The following REDIC1 variants were observed in gnomAD, a reference collection of about 807,000 sequenced individuals.
The protein encoded by REDIC1 is HEI10 Interacting Protein 1.
chr12:39,773,119 C>T, the REDIC1 span, among the ~76,000 whole-genome samples: 1 of 152,184 alleles, frequency 6.6e-6, no homozygotes, highest in Admixed American at 6.5e-5. Flanking sequence ...AACAAAAATA[C>T]TTTGACATCA....
chr12:39,899,559 T>C, the REDIC1 span, among the ~76,000 whole-genome samples: 1 of 152,300 alleles, frequency 6.6e-6, no homozygotes. Flanking sequence ...TCTAGTTCTT[T>C]CAATTGTGAT....
the REDIC1 span, among the ~76,000 whole-genome samples, chr12:39,854,833 G>A: frequency 2.0e-5 from 3 of 152,018 alleles, no homozygotes; most frequent in African/African-American, 4.8e-5. Context: ...TCTGTTTTCC[G>A]CTTTTGCACA....
At chr12:39,748,321 C>A in the REDIC1 span, among the ~76,000 whole-genome samples, 1 of 150,650 alleles carries the variant, frequency 6.6e-6, no homozygotes, top group Admixed American at 6.6e-5. Flanking sequence ...TCAAAAGAGA[C>A]AAAGCCATTA....
chr12:39,889,734 G>A, the REDIC1 span, among the ~76,000 whole-genome samples: 1 of 151,878 alleles, frequency 6.6e-6, no homozygotes, highest in African/African-American at 2.4e-5. Context: ...GTTTCACCAT[G>A]TTGGCCAGGA....
chr12:39,836,024 GCAA>G, the REDIC1 span, among the ~76,000 whole-genome samples: 5 of 152,090 alleles, frequency 3.3e-5, no homozygotes, highest in Non-Finnish European at 7.4e-5. Context: ...CTTTCAGAAA[GCAA>G]CAACAGCAGC....
chr12:39,813,044 C>A, the REDIC1 span, among the ~76,000 whole-genome samples: 1 of 89,726 alleles, frequency 1.1e-5, no homozygotes, highest in South Asian at 4.5e-4. Context: ...GGGGTTTCAC[C>A]ATGTTGGCCA....
chr12:39,773,090 C>T, the REDIC1 span, among the ~76,000 whole-genome samples: 3 of 152,188 alleles, frequency 2.0e-5, no homozygotes, highest in Middle Eastern at 3.2e-3. Flanking sequence ...GGTAGAAGAA[C>T]ATAATGCTCC....
chr12:39,820,128 A>AAG, the REDIC1 span, among the ~76,000 whole-genome samples: 1 of 152,130 alleles, frequency 6.6e-6, no homozygotes. Flanking sequence ...TGACAACAAA[A>AAG]AGAAAAAAAA....
chr12:39,772,613 GAGA>G, the REDIC1 span, among the ~76,000 whole-genome samples: 2 of 152,042 alleles, frequency 1.3e-5, no homozygotes. Flanking sequence ...AAAGAAAAAA[GAGA>G]AGAAGAAAGA....
chr12:39,819,495 TAA>T, the REDIC1 span, among the ~76,000 whole-genome samples: 1 of 152,188 alleles, frequency 6.6e-6, no homozygotes, highest in Non-Finnish European at 1.5e-5. Context: ...TTGATGTTCC[TAA>T]AAGCCCGGGC....
chr12:39,667,099 C>T, the REDIC1 span, among the ~76,000 whole-genome samples: 49 of 152,122 alleles, frequency 3.2e-4, no homozygotes, highest in African/African-American at 1.1e-3. Context: ...TATTTCTTGC[C>T]TTCTGCTAGC....
chr12:39,653,538 T>TCTTTTTCTTCTTCTTCTTC, the REDIC1 span, among the ~76,000 whole-genome samples: 228 of 66,674 alleles, frequency 3.4e-3, 11 homozygotes, highest in Middle Eastern at 7.6e-3. Context: ...TTCTTCTTCT[T>TCTTTTTCTTCTTCTTCTTC]TTTCTTCTTC....
At chr12:39,821,370 A>G in the REDIC1 span, among the ~76,000 whole-genome samples, 1 of 152,152 alleles carries the variant, frequency 6.6e-6, no homozygotes, top group African/African-American at 2.4e-5. Context: ...AGATTGTGCC[A>G]CTACACTCCA....
At chr12:39,776,384 C>T in the REDIC1 span, among the ~76,000 whole-genome samples, 1 of 152,214 alleles carries the variant, frequency 6.6e-6, no homozygotes, top group African/African-American at 2.4e-5. Flanking sequence ...CCTGCCTGGC[C>T]ATAACTATGT....
chr12:39,882,704 C>G, the REDIC1 span, among the ~76,000 whole-genome samples: 1 of 152,132 alleles, frequency 6.6e-6, no homozygotes, highest in Non-Finnish European at 1.5e-5. Flanking sequence ...TACCCACATA[C>G]CCGACCAGTC....
chr12:39,886,140 C>T, the REDIC1 span, among the ~76,000 whole-genome samples: 1 of 152,058 alleles, frequency 6.6e-6, no homozygotes, highest in Admixed American at 6.6e-5. Flanking sequence ...TGTTCCTTTT[C>T]CAAATATCAG....
chr12:39,782,145 T>G, the REDIC1 span, among the ~76,000 whole-genome samples: 3 of 152,210 alleles, frequency 2.0e-5, no homozygotes, highest in Non-Finnish European at 4.4e-5. Context: ...TATTTTAACT[T>G]AAGGAAGTCT....
chr12:39,721,431 A>G, the REDIC1 span: 16 of 565,356 alleles, frequency 2.8e-5, no homozygotes, highest in South Asian at 3.8e-4. Context: ...TAATGTATGT[A>G]TTTAATTTGT....
chr12:39,635,323 A>G, the REDIC1 span, among the ~76,000 whole-genome samples: 5 of 152,278 alleles, frequency 3.3e-5, no homozygotes, highest in East Asian at 1.9e-4. Flanking sequence ...AAATCATTCT[A>G]TGATAAAGAC....
Sources: allele counts gnomAD v4.1 joint callset (sites outside exome capture counted in the v4.1 genomes callset), GRCh38; gene constraint gnomAD v4.1.1; transcripts MANE v1.5; gene names NCBI Gene and HGNC (gene_info 2026-07-23, HGNC 2026-07-21).